The following C8orf34 variants were observed in gnomAD, a reference collection of about 807,000 sequenced individuals.
The protein encoded by C8orf34 is chromosome 8 open reading frame 34.
A neutral mutation model predicts 68.3 loss-of-function variants in C8orf34; 65 were observed. That is an observed-to-expected ratio of 0.95 (90% CI 0.78 to 1.17). C8orf34 has a LOEUF of 1.17. C8orf34 is among the 50% of genes most tolerant of loss of function. The probability of loss-of-function intolerance (pLI) is 0.00; values close to 1 mark genes in which losing one functional copy is unlikely to be tolerated. For synonymous variants in C8orf34, 244 were observed against 241.2 expected (o/e 1.01, Z -0.11); for missense variants, 664 against 655.4 (o/e 1.01, Z -0.14).
At chr8:68,435,919 G>A (rs1226300187) in intron 1 of C8orf34, among the ~76,000 whole-genome samples, 1 of 152,124 alleles carries the variant, frequency 6.6e-6, no homozygotes, top group Non-Finnish European at 1.5e-5. Flanking sequence ...TCAAATAGTG[G>A]CTATTAGGCT....
At position 68,435,282 on chromosome 8, in the gene C8orf34, G is replaced by A. The variant is rs917397117; in HGVS notation, c.328-4217G>A. Among the ~76,000 whole-genome samples, 3 of 147,168 alleles carry A rather than the reference G, an allele frequency of 2.0e-5. No individual in the cohort carries two copies. The South Asian group carries it at 6.2e-4, about 31-fold the overall frequency. ...AGACTTTTTGGGAGTATATCACTAA[G>A]AGTTAAGTCAGGAAAATGGAAACCA... On this transcript the variant is annotated intron_variant, in intron 1 of 13. Transcript: ENST00000518698.
chr8:68,795,652 C>T (rs1324048968), intron 12 of C8orf34, among the ~76,000 whole-genome samples: 2 of 152,172 alleles, frequency 1.3e-5, no homozygotes, highest in Admixed American at 1.3e-4. Flanking sequence ...TATGAACACT[C>T]AAGTAGTTTT....
intron 12 of C8orf34, among the ~76,000 whole-genome samples, chr8:68,806,143 A>G (rs1824475734): frequency 6.6e-6 from 1 of 152,136 alleles, no homozygotes; most frequent in African/African-American, 2.4e-5. Flanking sequence ...CGAATTTTAT[A>G]GGAGTATTGG....
intron 10 of C8orf34, among the ~76,000 whole-genome samples, chr8:68,765,816 G>A (rs1774596476): frequency 6.6e-6 from 1 of 152,024 alleles, no homozygotes; most frequent in Admixed American, 6.6e-5. Flanking sequence ...AGAAATTTAG[G>A]CCCCTTCAAT....
chr8:68,584,564 C>G (rs1044365920), intron 7 of C8orf34, among the ~76,000 whole-genome samples: 1 of 152,068 alleles, frequency 6.6e-6, no homozygotes, highest in African/African-American at 2.4e-5. Flanking sequence ...ACATAAAGAG[C>G]AAATGCACCA....
intron 5 of C8orf34, among the ~76,000 whole-genome samples, chr8:68,516,961 G>A (rs1356108084): frequency 4.6e-5 from 7 of 151,894 alleles, no homozygotes; most frequent in Admixed American, 2.0e-4. Context: ...TTAAAGTTAC[G>A]CTGACTTGCT....
intron 8 of C8orf34, among the ~76,000 whole-genome samples, chr8:68,678,221 T>C (rs1218292064): frequency 2.0e-5 from 1 of 50,108 alleles, no homozygotes; most frequent in Non-Finnish European, 3.9e-5. Flanking sequence ...CTATGGTCCA[T>C]ATTACCCTGA....
chr8:68,429,993 A>G (rs975495207), intron 1 of C8orf34, among the ~76,000 whole-genome samples: 7 of 152,096 alleles, frequency 4.6e-5, no homozygotes, highest in African/African-American at 1.7e-4. Context: ...GTGACTTGTC[A>G]GGCCTCTAGA....
intron 11 of C8orf34, among the ~76,000 whole-genome samples, chr8:68,781,026 T>A (rs578001626): frequency 2.6e-5 from 4 of 152,298 alleles, no homozygotes; most frequent in Non-Finnish European, 4.4e-5. Context: ...GTTATGGAAG[T>A]AAAATTAAAG....
At chr8:68,410,003 C>A (rs1366046158) in intron 1 of C8orf34, among the ~76,000 whole-genome samples, 1 of 152,154 alleles carries the variant, frequency 6.6e-6, no homozygotes, top group Non-Finnish European at 1.5e-5. Flanking sequence ...GTGTAGTAGG[C>A]TAGACCACGT....
At chr8:68,637,128 A>C (rs1196775652) in intron 7 of C8orf34, among the ~76,000 whole-genome samples, 1 of 152,228 alleles carries the variant, frequency 6.6e-6, no homozygotes, top group Non-Finnish European at 1.5e-5. Context: ...TGACTAGTGA[A>C]AAGAAAATCC....
At chr8:68,789,638 A>C (rs1166871770) in intron 12 of C8orf34, among the ~76,000 whole-genome samples, 2 of 152,186 alleles carry the variant, frequency 1.3e-5, no homozygotes, top group Admixed American at 6.5e-5. Flanking sequence ...GAAAGGGTCC[A>C]TTCCCTTTTT....
chr8:68,366,176 A>C (rs1448467514), intron 1 of C8orf34, among the ~76,000 whole-genome samples: 2 of 44,642 alleles, frequency 4.5e-5, no homozygotes, highest in Admixed American at 4.5e-4. Flanking sequence ...AATACCTAGG[A>C]ATCCAACTTA....
chr8:68,702,071 T>G (rs1461859548), intron 8 of C8orf34, among the ~76,000 whole-genome samples: 1 of 152,074 alleles, frequency 6.6e-6, no homozygotes, highest in African/African-American at 2.4e-5. Flanking sequence ...CTAGATTTCT[T>G]ATCAACATCT....
Position 68,496,253 on chromosome 8 carries a change from C to T in C8orf34, c.765+8202C>T, listed in dbSNP as rs146765898. On this transcript the variant is annotated intron_variant, in intron 5 of 13. Transcript: ENST00000518698. ...TCATGAAGACTGTATTTATCAAGCA[C>T]GTAGTGTGACAGGCAGTGTGCTAAG... Among the ~76,000 whole-genome samples the T allele has an allele frequency of 5.9e-5, 9 of 152,234 alleles. No homozygotes were observed. In the East Asian group the frequency reaches 1.5e-3, roughly 26 times the overall value.
chr8:68,444,938 A>C (rs531068820), intron 2 of C8orf34, among the ~76,000 whole-genome samples: 1 of 152,270 alleles, frequency 6.6e-6, no homozygotes, highest in East Asian at 1.9e-4. Context: ...CCAAGAATGG[A>C]TATAGAAAGA....
intron 8 of C8orf34, among the ~76,000 whole-genome samples, chr8:68,673,393 A>C (rs981321892): frequency 2.0e-5 from 3 of 152,072 alleles, no homozygotes; most frequent in African/African-American, 7.2e-5. Context: ...GCCTGGGGTC[A>C]GAGGAGAGCC....
chr8:68,371,400 G>A (rs1226544861), intron 1 of C8orf34, among the ~76,000 whole-genome samples: 2 of 151,942 alleles, frequency 1.3e-5, no homozygotes, highest in Non-Finnish European at 2.9e-5. Flanking sequence ...CTCACAAATT[G>A]AAAATTTAAG....
Position 68,759,164 on chromosome 8 carries a change from A to G in C8orf34, c.1405-17235A>G, listed in dbSNP as rs1418208468. On this transcript the variant is annotated intron_variant, in intron 10 of 13. Coordinates refer to ENST00000518698, the MANE Select transcript of C8orf34 (RefSeq NM_052958.4). ...ATTCTAACCAAATCTTTGCACATGTATATCCAAGTCACATTTTTTACCCAT... is the reference window on the plus strand; with the variant it reads ...ATTCTAACCAAATCTTTGCACATGTGTATCCAAGTCACATTTTTTACCCAT... 2.0e-5 allele frequency among the ~76,000 whole-genome samples: 3 copies of G among 152,168 alleles called. No homozygotes were observed. In the East Asian group the frequency reaches 5.8e-4, roughly 29 times the overall value.
Sources: gnomAD v4.1 joint callset for allele counts (sites outside exome capture counted in the v4.1 genomes callset) on GRCh38, gnomAD v4.1.1 for gene constraint, MANE v1.5 for transcripts, NCBI Gene and HGNC (gene_info 2026-07-23, HGNC 2026-07-21) for gene names.